Variants in WNT7B observed in about 807,000 individuals in gnomAD.
WNT7B encodes the protein protein Wnt-7b.
In WNT7B, 19 loss-of-function variants were observed where a neutral mutation model predicts 38.2. The ratio of observed to expected loss-of-function variants is 0.50; its 90% confidence interval spans 0.35 to 0.73. WNT7B has a LOEUF of 0.73. Among genes scored for constraint, WNT7B ranks in the 30% least tolerant of loss-of-function variants. The pLI is 0.01. For synonymous variants in WNT7B, 243 were observed against 209.3 expected (o/e 1.16, Z -1.39); for missense variants, 423 against 507.9 (o/e 0.83, Z 1.61).
chr22:45,929,666 G>T (rs1407754315), intron 3 of WNT7B, among the ~76,000 whole-genome samples: 19 of 56,994 alleles, frequency 3.3e-4, no homozygotes, highest in Admixed American at 1.3e-3. Flanking sequence ...CCACCCACCC[G>T]CCCATCCTTC....
chr22:45,927,511 G>A (rs891759953), intron 3 of WNT7B: 8 of 1,542,172 alleles, frequency 5.2e-6, no homozygotes, highest in Non-Finnish European at 7.0e-6. Flanking sequence ...TGGAAGTAGG[G>A]CCTTTACAGA....
chr22:45,961,975 G>A (rs892751550), intron 1 of WNT7B, among the ~76,000 whole-genome samples: 6 of 152,306 alleles, frequency 3.9e-5, no homozygotes, highest in Admixed American at 2.0e-4. Flanking sequence ...CTCTTTCCAC[G>A]CCACTGCTCT....
At chr22:45,937,151 A>G (rs921713697) in intron 2 of WNT7B, among the ~76,000 whole-genome samples, 1 of 152,222 alleles carries the variant, frequency 6.6e-6, no homozygotes, top group African/African-American at 2.4e-5. Flanking sequence ...CATCCCCAGC[A>G]AGGAGCCTGA....
chr22:45,936,966 G>A (rs558031055), intron 2 of WNT7B, among the ~76,000 whole-genome samples: 6 of 152,310 alleles, frequency 3.9e-5, no homozygotes, highest in South Asian at 4.1e-4. Flanking sequence ...ACTTCCTAGC[G>A]TCCACAGGGG....
In WNT7B at chr22:45,931,336, G is replaced by A; in HGVS notation, c.332C>T (p.Thr111Ile). The change falls in exon 3 of 4, where the codon ACC becomes ATC. Residue 111 changes from threonine to isoleucine, a missense_variant. Around this residue, in one of 3 missense-constraint regions of WNT7B, gnomAD observed 133 missense variants for 179.8 expected, o/e 0.74. Coordinates refer to ENST00000339464, the MANE Select transcript of WNT7B (RefSeq NM_058238.3). Reference sequence around the variant, plus strand: ...GACGGCGTGCGCCACGCCAGCCGCGGTGATGGCGTACGTGAAGGCAGCCTC... The same window carrying A: ...GACGGCGTGCGCCACGCCAGCCGCGATGATGGCGTACGTGAAGGCAGCCTC... The part of the protein sequence containing the change: ...SREAAFTYAI[T>I]AAGVAHAVTA... 1.3e-6 allele frequency: 2 copies of A among 1,595,566 alleles called. No individual in the cohort carries two copies. The highest frequency in any genetic ancestry group is 1.7e-6 in the Non-Finnish European group (2 of 1,177,900).
At position 45,963,564 on chromosome 22, in the gene WNT7B, G is replaced by C. The variant is rs529991300; in HGVS notation, c.71+13120C>G. 5.0e-3 allele frequency among the ~76,000 whole-genome samples: 758 copies of C among 152,216 alleles called. 7 individuals carry two copies. The highest frequency in any genetic ancestry group is 0.017 in the African/African-American group (722 of 41,524). ...TACAGAGGCGGCTTAGAGAGGAGCA[G>C]CATCTTGGGCCAGGCCACACAGCAA... On this transcript the variant is annotated intron_variant, in intron 1 of 3. Transcript: ENST00000339464.
In WNT7B at chr22:45,931,158, C is replaced by G. The variant is rs1455176184; in HGVS notation, c.510G>C (p.Arg170=). 1 of 1,599,514 alleles carries G rather than the reference C, an allele frequency of 6.3e-7. No individual in the cohort carries two copies. Among genetic ancestry groups the G allele is most frequent in the Non-Finnish European group, 8.5e-7 (1 of 1,179,258 alleles). The part of the protein sequence containing the change: ...IDFSRRFVDA[R]EIKKNARRLM... The stretch of plus-strand genomic sequence containing the variant: ...GGCGCCGCGCGTTCTTCTTGATCTC[C>G]CGAGCGTCCACGAAGCGCCGGGAGA... Residue 170 remains arginine, a synonymous_variant, in exon 3 of 4, where the codon CGG becomes CGC. Transcript: ENST00000339464.
chr22:45,956,887 C>T (rs776133810), intron 1 of WNT7B, among the ~76,000 whole-genome samples: 24 of 152,108 alleles, frequency 1.6e-4, no homozygotes, highest in Non-Finnish European at 1.9e-4. Context: ...ATGGGTGGAT[C>T]ATGAAGTCAG....
rs1932539286 is a variant in WNT7B at position 45,975,881 on chromosome 22, G to C, written c.71+803C>G. Reference sequence around the variant, plus strand: ...CCACCCCCACTTCGAGCGAAGCCGAGACAGATTCTGTCTAAAGGAGATCGC... The same window carrying C: ...CCACCCCCACTTCGAGCGAAGCCGACACAGATTCTGTCTAAAGGAGATCGC... On this transcript the variant is annotated intron_variant, in intron 1 of 3. Transcript: ENST00000339464. This position sits in a 1 kb window ranked among gnomAD's most constrained non-coding sequence, Gnocchi z 6.6. The C allele has an allele frequency of 4.4e-6, 1 of 228,264 alleles. No individual in the cohort carries two copies. The highest frequency in any genetic ancestry group is 8.4e-6 in the Non-Finnish European group (1 of 119,434). 14.1% of individuals were successfully genotyped at this position (228,264 alleles called of 1,614,324 possible).
chr22:45,932,457 A>G (rs529512227), intron 2 of WNT7B, among the ~76,000 whole-genome samples: 5 of 151,224 alleles, frequency 3.3e-5, no homozygotes, highest in African/African-American at 1.2e-4. Context: ...CTGACCCTTC[A>G]GTTCCTGATT....
chr22:45,958,740 C>T (rs184798952), intron 1 of WNT7B, among the ~76,000 whole-genome samples: 2 of 152,192 alleles, frequency 1.3e-5, no homozygotes, highest in Non-Finnish European at 2.9e-5. Flanking sequence ...TGTCATCAAC[C>T]CTGCCCCTGG....
At chr22:45,941,115 A>T (rs1256126013) in intron 2 of WNT7B, among the ~76,000 whole-genome samples, 1 of 152,144 alleles carries the variant, frequency 6.6e-6, no homozygotes, top group Non-Finnish European at 1.5e-5. Flanking sequence ...AATGCTGATG[A>T]CCCGCCAGGT....
chr22:45,969,167 G>A (rs897835314), intron 1 of WNT7B, among the ~76,000 whole-genome samples: 16 of 152,184 alleles, frequency 1.1e-4, no homozygotes, highest in African/African-American at 2.9e-4. Context: ...CGGTGGAGCC[G>A]GGAAGAGGCC....
At chr22:45,942,862 TG>T (rs1683873663) in intron 2 of WNT7B, among the ~76,000 whole-genome samples, 1 of 151,466 alleles carries the variant, frequency 6.6e-6, no homozygotes, top group African/African-American at 2.4e-5. Context: ...GTGCTGTGTG[TG>T]TGTGTGTGCG....
intron 3 of WNT7B, chr22:45,925,709 C>T: frequency 1.6e-5 from 16 of 985,460 alleles, no homozygotes; most frequent in Non-Finnish European, 1.8e-5. Context: ...GGCCACACGG[C>T]CTGCTCGGAT....
At chr22:45,925,478 G>A (rs1450673732) in intron 3 of WNT7B, 3 of 985,178 alleles carry the variant, frequency 3.0e-6, no homozygotes, top group African/African-American at 3.5e-5. Flanking sequence ...GGGAATTGCA[G>A]GGCTAAGGGG....
chr22:45,964,811 C>T (rs1932276268), intron 1 of WNT7B, among the ~76,000 whole-genome samples: 1 of 152,154 alleles, frequency 6.6e-6, no homozygotes, highest in South Asian at 2.1e-4. Context: ...GAGGAGGAGG[C>T]AGGCAACCCT....
intron 3 of WNT7B, among the ~76,000 whole-genome samples, chr22:45,929,223 T>G (rs1267686555): frequency 6.6e-6 from 1 of 152,286 alleles, no homozygotes; most frequent in East Asian, 1.9e-4. Flanking sequence ...TGAACCACAC[T>G]TTCCTCTGGA....
chr22:45,971,818 T>C (rs1038458238), intron 1 of WNT7B, among the ~76,000 whole-genome samples: 2 of 152,104 alleles, frequency 1.3e-5, no homozygotes, highest in African/African-American at 2.4e-5. Context: ...AGGACTCTGC[T>C]GGGACGCGCA....
Sources: allele counts gnomAD v4.1 joint callset (sites outside exome capture counted in the v4.1 genomes callset), GRCh38; gene constraint gnomAD v4.1.1; regional missense constraint gnomAD v4.1.1; non-coding constraint Gnocchi (gnomAD v3.1); transcripts MANE v1.5; gene names NCBI Gene and HGNC (gene_info 2026-07-23, HGNC 2026-07-21).